PTPRA: variants seen among roughly 807,000 people sequenced by gnomAD.
PTPRA encodes protein tyrosine phosphatase receptor type A.
PTPRA carries 25 observed loss-of-function variants against 104.8 expected under a neutral mutation model. The ratio of observed to expected loss-of-function variants is 0.24; its 90% CI spans 0.17 to 0.33. The LOEUF (loss-of-function observed/expected upper bound fraction) is 0.33. Ranked by LOEUF, PTPRA falls within the 10% of genes least tolerant of loss-of-function variation. The pLI, the probability that PTPRA is intolerant of heterozygous loss-of-function variation, is 1.00. For missense variants in PTPRA, 765 were observed against 1,015.3 expected, an observed-to-expected ratio of 0.75 and a Z score of 3.35; for synonymous variants, 323 against 368.9, an observed-to-expected ratio of 0.88 and a Z score of 1.43.
intron 5 of PTPRA, among the ~76,000 whole-genome samples, chr20:2,973,132 CCTT>C (rs1484183380): frequency 2.0e-5 from 3 of 149,060 alleles, no homozygotes; most frequent in Middle Eastern, 3.5e-3. Flanking sequence ...CTTTATGTCT[CCTT>C]TTTTTTTTTG....
At chr20:2,917,210 G>A (rs187325293) in intron 1 of PTPRA, among the ~76,000 whole-genome samples, 358 of 151,874 alleles carry the variant, frequency 2.4e-3, no homozygotes, top group Non-Finnish European at 2.6e-3. Flanking sequence ...CGCCGGCCTC[G>A]GCCTCCCAAA....
At chr20:3,032,764 CAA>C (rs937740792) in intron 20 of PTPRA, among the ~76,000 whole-genome samples, 36 of 99,232 alleles carry the variant, frequency 3.6e-4, no homozygotes, top group East Asian at 5.8e-4. Context: ...GACTCCATCT[CAA>C]AAAAAAAAAA....
chr20:2,976,082 C>G (rs1568678266), intron 6 of PTPRA, among the ~76,000 whole-genome samples: 1 of 152,174 alleles, frequency 6.6e-6, no homozygotes, highest in Non-Finnish European at 1.5e-5. Context: ...AGTGGGTACT[C>G]TCTTCCTTTA....
intron 1 of PTPRA, among the ~76,000 whole-genome samples, chr20:2,910,340 T>TTTTGTATATTATATATTTTATATATAATA (rs2147214012): frequency 1.2e-5 from 1 of 86,588 alleles, no homozygotes; most frequent in Non-Finnish European, 2.3e-5. Context: ...ATATAATATA[T>TTTTGTATATTATATATTTTATATATAATA]TTTGTATATT....
chr20:2,864,369 C>G, the PTPRA span: 1 of 1,614,176 alleles, frequency 6.2e-7, no homozygotes, highest in South Asian at 1.1e-5. The surrounding 1 kb of genome is among the most constrained non-coding windows in gnomAD (Gnocchi z 5.2). Context: ...CTGCAGTGTT[C>G]ACGGTGTTGC....
chr20:2,889,313 C>T (rs2058710547), intron 1 of PTPRA, among the ~76,000 whole-genome samples: 1 of 152,046 alleles, frequency 6.6e-6, no homozygotes, highest in African/African-American at 2.4e-5. Flanking sequence ...GCTCCAGGCC[C>T]CTTACTTAGT....
rs1251643372 is a variant in PTPRA at position 2,883,448 on chromosome 20, C to T, written c.-129+9688C>T. ...CGGGCGGATCACGAGGTCAGGAGAT[C>T]GAGACCATCCTGGCTAACACGGTGA... On this transcript the variant is annotated intron_variant, in intron 1 of 23. Transcript: ENST00000399903. Among the ~76,000 whole-genome samples, 4 of 24,150 alleles carry T rather than the reference C, an allele frequency of 1.7e-4. 2 individuals carry two copies. The highest frequency in any genetic ancestry group is 2.4e-4 in the Non-Finnish European group (4 of 16,994). 15.8% of individuals were successfully genotyped at this position (24,150 alleles called of 152,430 possible).
chr20:2,932,453 G>A (rs961730524), intron 2 of PTPRA, among the ~76,000 whole-genome samples: 1 of 152,120 alleles, frequency 6.6e-6, no homozygotes, highest in Non-Finnish European at 1.5e-5. Context: ...TAAACAAAGG[G>A]GTATGAGGGT....
the PTPRA span, chr20:2,864,420 G>T: frequency 6.2e-7 from 1 of 1,614,112 alleles, no homozygotes; most frequent in South Asian, 1.1e-5. The surrounding 1 kb of genome is among the most constrained non-coding windows in gnomAD (Gnocchi z 5.2). Flanking sequence ...ATTTTTTCAT[G>T]ACCCTTCGGA....
chr20:2,964,513 T>G (rs1044993792), intron 4 of PTPRA, among the ~76,000 whole-genome samples, 163 bp downstream of exon 4: 2 of 152,262 alleles, frequency 1.3e-5, no homozygotes, highest in African/African-American at 2.4e-5. Flanking sequence ...AATTGAATGC[T>G]CAGCATTGTT....
At chr20:3,036,290 A>G (rs1165908356) in intron 22 of PTPRA, among the ~76,000 whole-genome samples, 1 of 152,218 alleles carries the variant, frequency 6.6e-6, no homozygotes, top group East Asian at 1.9e-4. Context: ...CCAGCAGAAG[A>G]GAGACAGTAA....
chr20:2,939,704 G>A (rs1349842517), intron 2 of PTPRA, among the ~76,000 whole-genome samples: 2 of 152,080 alleles, frequency 1.3e-5, no homozygotes, highest in Non-Finnish European at 2.9e-5. Context: ...CTTCCTGTTG[G>A]GTCAGTCCTC....
intron 9 of PTPRA, among the ~76,000 whole-genome samples, chr20:3,004,478 C>T (rs2063770828): frequency 6.6e-6 from 1 of 152,224 alleles, no homozygotes; most frequent in South Asian, 2.1e-4. Flanking sequence ...TGTCACCTCA[C>T]CCAAATCTTC....
chr20:3,033,900 C>A (rs2065660829), intron 20 of PTPRA, among the ~76,000 whole-genome samples: 2 of 107,676 alleles, frequency 1.9e-5, no homozygotes, highest in African/African-American at 3.5e-5. Context: ...AGCTCCATCT[C>A]AAAAAAAAAA....
intron 1 of PTPRA, among the ~76,000 whole-genome samples, chr20:2,877,032 C>T (rs1321940399): frequency 3.3e-5 from 5 of 151,976 alleles, no homozygotes; most frequent in Admixed American, 3.3e-4. Context: ...ATTTTTGCAC[C>T]CCTCATGTTT....
chr20:2,904,008 A>C (rs1167828063), intron 1 of PTPRA, among the ~76,000 whole-genome samples: 1 of 151,902 alleles, frequency 6.6e-6, no homozygotes, highest in African/African-American at 2.4e-5. Context: ...GGGCTCCAGC[A>C]GTCCTCCCGC....
At chr20:2,933,426 G>T (rs2060575955) in intron 2 of PTPRA, among the ~76,000 whole-genome samples, 1 of 148,862 alleles carries the variant, frequency 6.7e-6, no homozygotes, top group African/African-American at 2.5e-5. Context: ...GTTTTTTGGG[G>T]TTCTTTCTTT....
chr20:3,008,728 T>TAAAAA (rs763235190), intron 11 of PTPRA, among the ~76,000 whole-genome samples: 5 of 63,692 alleles, frequency 7.9e-5, no homozygotes, highest in South Asian at 6.5e-4. Flanking sequence ...TCATCTCTAC[T>TAAAAA]AAAAAAAAAA....
At chr20:2,881,778 A>T (rs2090064090) in intron 1 of PTPRA, among the ~76,000 whole-genome samples, 1 of 152,182 alleles carries the variant, frequency 6.6e-6, no homozygotes, top group Admixed American at 6.5e-5. Flanking sequence ...AAGTGGACGG[A>T]TCACTTGAGG....
Sources: gnomAD v4.1 joint callset for allele counts (sites outside exome capture counted in the v4.1 genomes callset) on GRCh38, gnomAD v4.1.1 for gene constraint, Gnocchi (gnomAD v3.1) non-coding constraint, MANE v1.5 for transcripts, NCBI Gene and HGNC (gene_info 2026-07-23, HGNC 2026-07-21) for gene names.